LRWD1: variants seen among roughly 807,000 people sequenced by gnomAD.
The protein encoded by LRWD1 is leucine-rich repeat and WD repeat-containing protein 1.
LRWD1 carries 76 observed loss-of-function variants against 75.6 expected under a neutral mutation model. That is an observed-to-expected ratio of 1.01 (90% confidence interval 0.84 to 1.22). LRWD1 has a LOEUF of 1.22. Ranked by LOEUF, LRWD1 falls within the 50% of genes most tolerant of loss-of-function variation. The pLI is 0.00. For missense variants in LRWD1, 917 were observed against 862.0 expected (o/e 1.06, Z -0.80); for synonymous variants, 487 against 377.0 (o/e 1.29, Z -3.38).
chr7:102,472,368 TC>T, intron 12 of LRWD1, 59 bp downstream of exon 12: 1 of 1,551,900 alleles, frequency 6.4e-7, no homozygotes, highest in Non-Finnish European at 8.7e-7. Context: ...GGACCGCTTG[TC>T]CCTGGGCTAG....
At position 102,468,369 on chromosome 7, in the gene LRWD1, G is replaced by GGGA; in HGVS notation, c.917_919dup (p.Glu306dup). ...TGGGCCTGTGCCTTCGAGCCGGCCT[G>GGGA]GGAGGAGGGTACATGGTGGCGGGCA... On this transcript the variant is annotated inframe_insertion, in exon 7 of 15. Transcript: ENST00000292616. 6.2e-7 allele frequency: 1 copy of GGGA among 1,606,584 alleles called. No homozygotes were observed. The highest frequency in any genetic ancestry group is 8.5e-7 in the Non-Finnish European group (1 of 1,177,140).
Position 102,467,370 on chromosome 7 carries a change from C to T in LRWD1, c.464C>T (p.Thr155Ile), listed in dbSNP as rs202069180. The T allele has an allele frequency of 1.4e-5, 23 of 1,612,722 alleles. No homozygotes were observed. In the African/African-American group the frequency reaches 2.0e-4, roughly 14 times the overall value. Residue 155 changes from threonine to isoleucine, a missense_variant, in exon 4 of 15, where the codon ACA becomes ATA. Thr to Ile is a moderately conservative substitution (Grantham distance 89). Transcript: ENST00000292616. The part of the protein sequence containing the change: ...VTAHWEKFMA[T>I]LGPEEEAEKA... ...GCTCACTGGGAGAAGTTCATGGCCA[C>T]ACTGGGTCCTGAAGAGGAGGCTGAG...
Position 102,467,170 on chromosome 7 carries a change from GGGT to G in LRWD1, c.433-167_433-165del, listed in dbSNP as rs1563654186. Among the ~76,000 whole-genome samples, 296 of 54,332 alleles carry G rather than the reference GGGT, an allele frequency of 5.4e-3. 9 individuals are homozygous for G. Among genetic ancestry groups the G allele is most frequent in the African/African-American group, 0.013 (219 of 17,396 alleles). The allele number at this position is 54,332 out of a possible 152,430, so 35.6% of individuals were successfully genotyped here. ...CTGGGTTGTTGCTGGGGTGTGTGTG[GGGT>G]GTGTGTGTGTGTGTGTGTGTGTGTG... On this transcript the variant is annotated intron_variant, in intron 3 of 14. Coordinates refer to ENST00000292616, the MANE Select transcript of LRWD1 (RefSeq NM_152892.3).
chr7:102,466,331 G>C (rs1797975915), intron 3 of LRWD1, 61 bp downstream of exon 3: 5 of 1,372,406 alleles, frequency 3.6e-6, no homozygotes, highest in Non-Finnish European at 5.2e-6. Context: ...GAGAATGATA[G>C]AATTGGACAT....
Position 102,472,813 on chromosome 7 carries a change from C to T in LRWD1, c.1803+9C>T, listed in dbSNP as rs145841715. ...TGCAGGCCCCCACACAGGTACTGCCCGGCTCACCCTGCCCAGGCTTGGGCT... is the reference window on the plus strand; with the variant it reads ...TGCAGGCCCCCACACAGGTACTGCCTGGCTCACCCTGCCCAGGCTTGGGCT... On this transcript the variant is annotated intron_variant, in intron 14 of 14. Transcript: ENST00000292616. 4,439 of 1,613,068 alleles carry T rather than the reference C, an allele frequency of 2.8e-3. 10 individuals carry two copies. The highest frequency in any genetic ancestry group is 7.3e-3 in the Middle Eastern group (44 of 6,062).
At position 102,468,796 on chromosome 7, in the gene LRWD1, C is replaced by T. The variant is rs1798095708; in HGVS notation, c.1021-59C>T. On this transcript the variant is annotated intron_variant, in intron 8 of 14. Transcript: ENST00000292616. Reference sequence around the variant, plus strand: ...GGCTCCCTCCCCCAGGCCCGGGCTACCCGCGTGTTCACACCAATAGCTCTG... The same window carrying T: ...GGCTCCCTCCCCCAGGCCCGGGCTATCCGCGTGTTCACACCAATAGCTCTG... The T allele has an allele frequency of 2.5e-6, 4 of 1,581,510 alleles. No individual in the cohort carries two copies. In the African/African-American group the frequency reaches 5.4e-5, roughly 21 times the overall value.
chr7:102,466,339 C>T (rs537373004), intron 3 of LRWD1, 69 bp downstream of exon 3: 5 of 1,305,294 alleles, frequency 3.8e-6, no homozygotes, highest in South Asian at 3.7e-5. Context: ...TAGAATTGGA[C>T]ATCAGGAGGA....
chr7:102,470,011 G>A (rs1798138683), intron 11 of LRWD1, 129 bp downstream of exon 11: 5 of 1,165,898 alleles, frequency 4.3e-6, no homozygotes, highest in Non-Finnish European at 5.8e-6. Flanking sequence ...CCTCTTCGCA[G>A]AGCTGGCTTG....
Position 102,472,977 on chromosome 7 carries a change from G to A in LRWD1, c.1872G>A (p.Val624=). The A allele has an allele frequency of 3.1e-6, 5 of 1,614,050 alleles. No individual in the cohort carries two copies. Among genetic ancestry groups the A allele is most frequent in the Non-Finnish European group, 4.2e-6 (5 of 1,179,998 alleles). Residue 624 remains valine (V), a synonymous_variant, in exon 15 of 15, where the codon GTG becomes GTA. Coordinates refer to ENST00000292616, the MANE Select transcript of LRWD1 (RefSeq NM_152892.3). ...CCAAGACCATGGTGAACACAGTGGT[G>A]GCCAATGCCTCCTTCACCTACCTCA... ...VVTKTMVNTV[V]ANASFTYLTA... is the part of the protein sequence containing the mutation.
intron 1 of LRWD1, chr7:102,465,487 AGC>A (rs1165550570): frequency 6.1e-6 from 1 of 164,784 alleles, no homozygotes; most frequent in Non-Finnish European, 1.1e-5. Flanking sequence ...AAGTAGTTGC[AGC>A]TTTTTTTTTT....
Position 102,472,251 on chromosome 7 carries a change from C to A in LRWD1, c.1476C>A (p.Gly492=). 6.3e-7 allele frequency: 1 copy of A among 1,597,022 alleles called. No individual in the cohort carries two copies. Among genetic ancestry groups the A allele is most frequent in the Admixed American group, 1.7e-5 (1 of 57,942 alleles). Reference sequence around the variant, plus strand: ...AAGTGGAATTCGTCTTCTCTGAGGGCTCCGAGGCATCTGGACGGAGAGTGG... The same window carrying A: ...AAGTGGAATTCGTCTTCTCTGAGGGATCCGAGGCATCTGGACGGAGAGTGG... The part of the protein sequence containing the change: ...VCEVEFVFSE[G]SEASGRRVDG... The change falls in exon 12 of 15, where the codon GGC becomes GGA. Residue 492 remains glycine, a synonymous_variant. Coordinates refer to ENST00000292616, the MANE Select transcript of LRWD1 (RefSeq NM_152892.3).
intron 5 of LRWD1, 80 bp from the exon 6 acceptor site, chr7:102,467,982 G>A (rs1270388654): frequency 1.9e-6 from 3 of 1,556,128 alleles, no homozygotes; most frequent in African/African-American, 1.4e-5. Flanking sequence ...TGCATCCGCA[G>A]TGAGGTGGGG....
chr7:102,468,258 C>A lies in LRWD1; in HGVS notation c.805-5C>A, dbSNP rs77974347. Reference sequence around the variant, plus strand: ...GGCAGCTGTGACCCTTCTCTCCCCCCACAGCCTGCTGTGAAGCTGGAGCCC... The same window carrying A: ...GGCAGCTGTGACCCTTCTCTCCCCCAACAGCCTGCTGTGAAGCTGGAGCCC... On this transcript the variant is annotated splice_region_variant and splice_polypyrimidine_tract_variant and intron_variant, in intron 6 of 14. Transcript: ENST00000292616. The A allele has an allele frequency of 5.6e-3, 8,957 of 1,605,518 alleles. 401 individuals carry two copies. The African/African-American group carries it at 0.1, about 18-fold the overall frequency.
chr7:102,472,921 C>T lies in LRWD1; in HGVS notation c.1816C>T (p.Pro606Ser). 1 of 1,613,846 alleles carries T rather than the reference C, an allele frequency of 6.2e-7. No individual in the cohort carries two copies. Among genetic ancestry groups the T allele is most frequent in the Non-Finnish European group, 8.5e-7 (1 of 1,179,914 alleles). Residue 606 changes from proline (P) to serine (S), a missense_variant, in exon 15 of 15, where the codon CCC becomes TCC. Pro to Ser is a moderately conservative substitution (Grantham distance 74). Coordinates refer to ENST00000292616, the MANE Select transcript of LRWD1 (RefSeq NM_152892.3). The stretch of plus-strand genomic sequence containing the variant: ...CTCTCCCCACCAGATCCTGAAGTGG[C>T]CCCAGCCCTGGGCCCTTGGCCAGGT... ...LQAPTQILKW[P>S]QPWALGQVVT...
chr7:102,468,882 C>G lies in LRWD1; in HGVS notation c.1048C>G (p.Leu350Val), dbSNP rs1048238984. ...GTTCTTTTCTGTGGCCTGGACCGCT[C>G]TGATGGTGGTCACACAGGCTGGCCA... ...EEFFSVAWTA[L>V]MVVTQAGHKK... is the part of the protein sequence containing the mutation. The change falls in exon 9 of 15, where the codon CTG becomes GTG. Residue 350 changes from leucine to valine, a missense_variant. By Grantham distance (32) the Leu-to-Val change is conservative. Coordinates refer to ENST00000292616, the MANE Select transcript of LRWD1 (RefSeq NM_152892.3). The G allele has an allele frequency of 7.4e-6, 12 of 1,612,594 alleles. No homozygotes were observed. Among genetic ancestry groups the G allele is most frequent in the African/African-American group, 2.7e-5 (2 of 75,036 alleles).
chr7:102,467,918 G>A (rs921041095), intron 5 of LRWD1, 95 bp downstream of exon 5: 8 of 1,499,918 alleles, frequency 5.3e-6, no homozygotes, highest in African/African-American at 1.4e-5. Context: ...TGCCCAGGAA[G>A]CACCCCAGGT....
rs1554579596 is a variant in LRWD1 at position 102,467,171 on chromosome 7, G to GTAT, written c.433-168_433-167insTAT. On this transcript the variant is annotated intron_variant, in intron 3 of 14. Coordinates refer to ENST00000292616, the MANE Select transcript of LRWD1 (RefSeq NM_152892.3). ...TGGGTTGTTGCTGGGGTGTGTGTGG[G>GTAT]GTGTGTGTGTGTGTGTGTGTGTGTG... Among the ~76,000 whole-genome samples, 9 of 99,116 alleles carry GTAT rather than the reference G, an allele frequency of 9.1e-5. 1 individual carries two copies. Among genetic ancestry groups the GTAT allele is most frequent in the South Asian group, 6.9e-4 (2 of 2,916 alleles). The allele number at this position is 99,116 out of a possible 152,430, so 65.0% of individuals were successfully genotyped here. A position where few individuals can be genotyped will look rare whatever the true frequency, so the allele number is the denominator to read the frequency against.
At chr7:102,472,113 T>G in intron 11 of LRWD1, 105 bp from the exon 12 acceptor site, 2 of 1,034,280 alleles carry the variant, frequency 1.9e-6, no homozygotes, top group Non-Finnish European at 2.9e-6. Flanking sequence ...TGTGCAGCCT[T>G]CACACAGGGC....
rs912969705 is a variant in LRWD1 at position 102,465,037 on chromosome 7, G to T, written c.-44G>T. The T allele has an allele frequency of 1.1e-5, 16 of 1,433,362 alleles. No individual in the cohort carries two copies. The African/African-American group carries it at 2.3e-4, about 20-fold the overall frequency. The allele number at this position is 1,433,362 out of a possible 1,614,324, so 88.8% of individuals were successfully genotyped here. A position where few individuals can be genotyped will look rare whatever the true frequency, so the allele number is the denominator to read the frequency against. ...CAGGAGACGCAGGGCGACGCCACAC[G>T]CCGGGGTGGCCGACTGGGTCAGCGC... On this transcript the variant is annotated 5_prime_UTR_variant, in exon 1 of 15. Transcript: ENST00000292616.
Sources: allele counts gnomAD v4.1 joint callset (sites outside exome capture counted in the v4.1 genomes callset), GRCh38; gene constraint gnomAD v4.1.1; transcripts MANE v1.5; gene names NCBI Gene and HGNC (gene_info 2026-07-23, HGNC 2026-07-21).